MAFB: variants seen among roughly 807,000 people sequenced by gnomAD.
MAFB encodes MAF bZIP transcription factor B.
In MAFB, 3 loss-of-function variants were observed where a neutral mutation model predicts 17.7. The observed-to-expected ratio is 0.17, with a 90% CI of 0.08 to 0.44. The LOEUF is 0.44. Ranked by LOEUF, MAFB falls within the 20% of genes least tolerant of loss-of-function variation. The pLI, the probability that MAFB is intolerant of heterozygous loss-of-function variation, is 0.99. For missense variants in MAFB, 355 were observed against 461.3 expected, an observed-to-expected ratio of 0.77 and a Z score of 2.11; for synonymous variants, 214 against 211.5, an observed-to-expected ratio of 1.01 and a Z score of -0.10.
rs1600429192 is a variant in MAFB, at chr20:40,688,611, T to G, written c.240A>C (p.Thr80=). Residue 80 remains threonine (T), a synonymous_variant, in exon 1 of 1, where the codon ACA becomes ACC. Coordinates refer to ENST00000373313, the MANE Select transcript of MAFB (RefSeq NM_005461.5). ...CCATCCAGTACAGATCCTCGAGGTG[T>G]GTCTTCTGTTCGGTCGGGCTGAAGC... ...SPSFSPTEQK[T]HLEDLYWMAS... The G allele has an allele frequency of 6.2e-7, 1 of 1,614,058 alleles. No individual in the cohort carries two copies. The highest frequency in any genetic ancestry group is 8.5e-7 in the Non-Finnish European group (1 of 1,179,948).
chr20:40,688,395 G>A lies in MAFB; in HGVS notation c.456C>T (p.His152=), dbSNP rs1453356342. The change falls in exon 1 of 1, where the codon CAC becomes CAT. Residue 152 remains histidine (H), a synonymous_variant. Coordinates refer to ENST00000373313, the MANE Select transcript of MAFB (RefSeq NM_005461.5). ...HHAYPGAGVA[H]DELGPHAHPH... is the part of the protein sequence containing the mutation. ...GGTGAGCGTGCGGGCCCAGCTCGTC[G>A]TGGGCCACGCCGGCGCCCGGGTACG... 1 of 1,569,502 alleles carries A rather than the reference G, an allele frequency of 6.4e-7. No homozygotes were observed. Among genetic ancestry groups the A allele is most frequent in the South Asian group, 1.2e-5 (1 of 85,906 alleles).
Position 40,688,269 on chromosome 20 carries a change from C to G in MAFB, c.582G>C (p.Ala194=), listed in dbSNP as rs1241293362. Residue 194 remains alanine (A), a synonymous_variant, in exon 1 of 1, where the codon GCG becomes GCC. Transcript: ENST00000373313. ...CGCCCGCCGCCGTCGCCGAGGCCGT[C>G]GCGTGCGGCCCGGGCCCGGGGTGGC... ...PTSHPGPGPH[A]TASATAAGGN... 6.5e-7 allele frequency: 1 copy of G among 1,546,984 alleles called. No individual in the cohort carries two copies. The highest frequency in any genetic ancestry group is 1.2e-5 in the South Asian group (1 of 85,578).
Position 40,688,106 on chromosome 20 carries a change from G to T in MAFB, c.745C>A (p.Arg249=), listed in dbSNP as rs561320614. ...TACCTGCAAGACTGGGCGTAGCCCC[G>T]GTTCTTCAGGGTCCGCCGCTTCTGC... ...LKQKRRTLKN[R]GYAQSCRYKR... The change falls in exon 1 of 1, where the codon CGG becomes AGG. Residue 249 remains arginine, a synonymous_variant. Transcript: ENST00000373313. 4.6e-5 allele frequency: 74 copies of T among 1,613,720 alleles called. 2 individuals are homozygous for T. The East Asian group carries it at 9.1e-4, about 20-fold the overall frequency.
Position 40,688,967 on chromosome 20 carries a change from G to A in MAFB, c.-117C>T. On this transcript the variant is annotated 5_prime_UTR_variant, in exon 1 of 1. Transcript: ENST00000373313. Reference sequence around the variant, plus strand: ...AAGAGCTGGGGAGGCGGGGAGCGAGGGCGCAGCGGGCCGGGGCCGCCGGCC... The same window carrying A: ...AAGAGCTGGGGAGGCGGGGAGCGAGAGCGCAGCGGGCCGGGGCCGCCGGCC... 1 of 1,355,566 alleles carries A rather than the reference G, an allele frequency of 7.4e-7. No homozygotes were observed. The highest frequency in any genetic ancestry group is 9.5e-7 in the Non-Finnish European group (1 of 1,049,564). 84.0% of individuals were successfully genotyped at this position (1,355,566 alleles called of 1,614,324 possible).
chr20:40,688,644 C>G lies in MAFB; in HGVS notation c.207G>C (p.Ser69=), dbSNP rs1600429236. Residue 69 remains serine (S), a synonymous_variant, in exon 1 of 1, where the codon TCG becomes TCC. Coordinates refer to ENST00000373313, the MANE Select transcript of MAFB (RefSeq NM_005461.5). Reference sequence around the variant, plus strand: ...GTTCGGTCGGGCTGAAGCTGGGCGACGAGGGCACGGAGCTACACGGAGTGC... The same window carrying G: ...GTTCGGTCGGGCTGAAGCTGGGCGAGGAGGGCACGGAGCTACACGGAGTGC... The part of the protein sequence containing the change: ...PLSTPCSSVP[S]SPSFSPTEQK... The G allele has an allele frequency of 6.2e-7, 1 of 1,614,028 alleles. No homozygotes were observed. The highest frequency in any genetic ancestry group is 8.5e-7 in the Non-Finnish European group (1 of 1,179,934).
Position 40,689,217 on chromosome 20 carries a change from C to A in MAFB, c.-367G>T. The stretch of plus-strand genomic sequence containing the variant: ...ACGCTCTCTCGCTCGCAGCCGCTCG[C>A]AGCTCGGCGGTGCAGCTGTGCTGGA... On this transcript the variant is annotated 5_prime_UTR_variant, in exon 1 of 1. Coordinates refer to ENST00000373313, the MANE Select transcript of MAFB (RefSeq NM_005461.5). The A allele has an allele frequency of 3.5e-6, 1 of 289,326 alleles. No homozygotes were observed. The highest frequency in any genetic ancestry group is 1.3e-4 in the South Asian group (1 of 7,844). The allele number at this position is 289,326 out of a possible 1,614,324, so 17.9% of individuals were successfully genotyped here. A position where few individuals can be genotyped will look rare whatever the true frequency, so the allele number is the denominator to read the frequency against.
rs986636238 is a variant in MAFB, at chr20:40,686,347, G to A, written c.*1532C>T. ...TCTTCCCTATAACTACTATACAACT[G>A]AAGAATTGAAGGGGGGGGACACCAC... On this transcript the variant is annotated 3_prime_UTR_variant, in exon 1 of 1. Transcript: ENST00000373313. The A allele has an allele frequency of 1.2e-5, 3 of 253,128 alleles. No homozygotes were observed. Among genetic ancestry groups the A allele is most frequent in the Non-Finnish European group, 2.3e-5 (3 of 132,882 alleles). 15.7% of individuals were successfully genotyped at this position (253,128 alleles called of 1,614,324 possible). A position where few individuals can be genotyped will look rare whatever the true frequency, so the allele number is the denominator to read the frequency against.
At position 40,686,861 on chromosome 20, in the gene MAFB, G is replaced by T. The variant is rs1986840697; in HGVS notation, c.*1018C>A. 1 of 398,686 alleles carries T rather than the reference G, an allele frequency of 2.5e-6. No homozygotes were observed. Among genetic ancestry groups the T allele is most frequent in the Non-Finnish European group, 4.4e-6 (1 of 226,064 alleles). 24.7% of individuals were successfully genotyped at this position (398,686 alleles called of 1,614,324 possible). ...CGAGAGAGGAAAAAGAGGACCGAAT[G>T]GGGATAAGGGAAGGAAAGAAAACAT... On this transcript the variant is annotated 3_prime_UTR_variant, in exon 1 of 1. Transcript: ENST00000373313.
In MAFB at chr20:40,687,828, G is replaced by A; in HGVS notation, c.*51C>T. The A allele has an allele frequency of 6.3e-7, 1 of 1,579,174 alleles. No individual in the cohort carries two copies. Among genetic ancestry groups the A allele is most frequent in the Non-Finnish European group, 8.6e-7 (1 of 1,167,050 alleles). ...GGGGTAGTCTGGGACTAGGGACGTG[G>A]GACAGGGAGTCCGGGCCGGGGCAAG... On this transcript the variant is annotated 3_prime_UTR_variant, in exon 1 of 1. Coordinates refer to ENST00000373313, the MANE Select transcript of MAFB (RefSeq NM_005461.5).
chr20:40,687,329 C>T lies in MAFB; in HGVS notation c.*550G>A, dbSNP rs887964992. On this transcript the variant is annotated 3_prime_UTR_variant, in exon 1 of 1. Coordinates refer to ENST00000373313, the MANE Select transcript of MAFB (RefSeq NM_005461.5). ...TGGGCGCCGAGCGTCCTAACTGAGG[C>T]CTGTGTCTCAGGGCTGAGAGCCAGT... 4.0e-5 allele frequency: 16 copies of T among 397,106 alleles called. No individual in the cohort carries two copies. In the Admixed American group the frequency reaches 6.0e-4, roughly 15 times the overall value. 24.6% of individuals were successfully genotyped at this position (397,106 alleles called of 1,614,324 possible).
Position 40,687,715 on chromosome 20 carries a change from C to T in MAFB, c.*164G>A, listed in dbSNP as rs1986862870. 12 of 883,482 alleles carry T rather than the reference C, an allele frequency of 1.4e-5. No individual in the cohort carries two copies. The highest frequency in any genetic ancestry group is 2.0e-5 in the Non-Finnish European group (12 of 595,702). 54.7% of individuals were successfully genotyped at this position (883,482 alleles called of 1,614,324 possible). On this transcript the variant is annotated 3_prime_UTR_variant, in exon 1 of 1. Coordinates refer to ENST00000373313, the MANE Select transcript of MAFB (RefSeq NM_005461.5). ...CAAGGTCCCCTGCCCGCCCGCGCAC[C>T]CGCCCGTCGCCCGCGGCCCGCGCGC...
chr20:40,687,552 G>T lies in MAFB; in HGVS notation c.*327C>A. ...AAGCCAGGAGTCTCCAGATGGCCTT[G>T]GTGACTTCTCGGGACTATGCCTCGC... On this transcript the variant is annotated 3_prime_UTR_variant, in exon 1 of 1. Transcript: ENST00000373313. 2.0e-6 allele frequency: 1 copy of T among 494,818 alleles called. No individual in the cohort carries two copies. Among genetic ancestry groups the T allele is most frequent in the Non-Finnish European group, 3.6e-6 (1 of 279,274 alleles). 30.7% of individuals were successfully genotyped at this position (494,818 alleles called of 1,614,324 possible).
Position 40,689,162 on chromosome 20 carries a change from C to G in MAFB, c.-312G>C. The G allele has an allele frequency of 2.6e-6, 1 of 388,140 alleles. No homozygotes were observed. The allele number at this position is 388,140 out of a possible 1,614,324, so 24.0% of individuals were successfully genotyped here. A position where few individuals can be genotyped will look rare whatever the true frequency, so the allele number is the denominator to read the frequency against. On this transcript the variant is annotated 5_prime_UTR_variant, in exon 1 of 1. Transcript: ENST00000373313. ...TGAGGGGAGGCGTGGGGCGAGTGCC[C>G]GTTGCTCGCTCTCTAGCTCTCTTGC... is the stretch of plus-strand genomic sequence containing the variant.
In MAFB at chr20:40,687,007, A is replaced by C. The variant is rs916270643; in HGVS notation, c.*872T>G. 1.3e-5 allele frequency: 5 copies of C among 398,806 alleles called. No individual in the cohort carries two copies. The highest frequency in any genetic ancestry group is 1.0e-4 in the African/African-American group (5 of 48,568). 24.7% of individuals were successfully genotyped at this position (398,806 alleles called of 1,614,324 possible). On this transcript the variant is annotated 3_prime_UTR_variant, in exon 1 of 1. Transcript: ENST00000373313. ...ATACCGTAATAATAAACCCAAACAA[A>C]GACCCTCAGCTTGCTGCCACGTTCT...
In MAFB at chr20:40,687,840, C is replaced by CTA; in HGVS notation, c.*38_*39insTA. On this transcript the variant is annotated 3_prime_UTR_variant, in exon 1 of 1. Transcript: ENST00000373313. ...GACTAGGGACGTGGGACAGGGAGTC[C>CTA]GGGCCGGGGCAAGGGCGGGGGCCAG... 6.3e-7 allele frequency: 1 copy of CTA among 1,591,032 alleles called. No homozygotes were observed.
chr20:40,688,265 C>T lies in MAFB; in HGVS notation c.586G>A (p.Ala196Thr), dbSNP rs1462492060. 10 of 1,547,784 alleles carry T rather than the reference C, an allele frequency of 6.5e-6. No homozygotes were observed. Among genetic ancestry groups the T allele is most frequent in the East Asian group, 2.4e-5 (1 of 42,202 alleles). ...TTGCCGCCCGCCGCCGTCGCCGAGG[C>T]CGTCGCGTGCGGCCCGGGCCCGGGG... ...SHPGPGPHAT[A>T]SATAAGGNGS... The change falls in exon 1 of 1, where the codon GCC (alanine) becomes ACC (threonine). Residue 196 changes from alanine (A) to threonine (T), a missense_variant. This residue lies in a region of MAFB where 285 missense variants were observed against 350.0 expected (regional missense o/e 0.81). Transcript: ENST00000373313.
chr20:40,689,195 C>T lies in MAFB; in HGVS notation c.-345G>A. Reference sequence around the variant, plus strand: ...GCTCTCTAGCTCTCTTGCTCTTACGCTCTCTCGCTCGCAGCCGCTCGCAGC... The same window carrying T: ...GCTCTCTAGCTCTCTTGCTCTTACGTTCTCTCGCTCGCAGCCGCTCGCAGC... On this transcript the variant is annotated 5_prime_UTR_variant, in exon 1 of 1. Transcript: ENST00000373313. 3 of 320,938 alleles carry T rather than the reference C, an allele frequency of 9.3e-6. No individual in the cohort carries two copies. Among genetic ancestry groups the T allele is most frequent in the Non-Finnish European group, 1.7e-5 (3 of 173,322 alleles). The allele number at this position is 320,938 out of a possible 1,614,324, so 19.9% of individuals were successfully genotyped here.
chr20:40,687,824 C>T lies in MAFB; in HGVS notation c.*55G>A, dbSNP rs1986866094. ...GTCCGGGGTAGTCTGGGACTAGGGA[C>T]GTGGGACAGGGAGTCCGGGCCGGGG... is the stretch of plus-strand genomic sequence containing the variant. On this transcript the variant is annotated 3_prime_UTR_variant, in exon 1 of 1. Transcript: ENST00000373313. The T allele has an allele frequency of 1.9e-6, 3 of 1,569,724 alleles. No homozygotes were observed. Among genetic ancestry groups the T allele is most frequent in the African/African-American group, 1.3e-5 (1 of 74,328 alleles).
Position 40,688,533 on chromosome 20 carries a change from G to A in MAFB, c.318C>T (p.Asp106=), listed in dbSNP as rs1986895743. 2 of 1,613,794 alleles carry A rather than the reference G, an allele frequency of 1.2e-6. No homozygotes were observed. Residue 106 remains aspartate, a synonymous_variant, in exon 1 of 1, where the codon GAC becomes GAT. Transcript: ENST00000373313. ...NPEALNLTPE[D]AVEALIGSHP... Reference sequence around the variant, plus strand: ...GCGAGCCGATGAGCGCTTCCACCGCGTCCTCGGGCGTCAGGTTGAGCGCCT... The same window carrying A: ...GCGAGCCGATGAGCGCTTCCACCGCATCCTCGGGCGTCAGGTTGAGCGCCT...
Sources: gnomAD v4.1 joint callset for allele counts on GRCh38, gnomAD v4.1.1 for gene constraint, gnomAD v4.1.1 regional missense constraint, MANE v1.5 for transcripts, NCBI Gene and HGNC (gene_info 2026-07-23, HGNC 2026-07-21) for gene names.